Variants in SERPINF1 observed in about 807,000 individuals in gnomAD.
SERPINF1 encodes pigment epithelium-derived factor.
SERPINF1 carries 29 observed loss-of-function variants against 37.3 expected under a neutral mutation model. The ratio of observed to expected loss-of-function variants is 0.78; its 90% CI spans 0.58 to 1.06. SERPINF1 has a LOEUF of 1.06. Among genes scored for constraint, SERPINF1 ranks in the 50% least tolerant of loss-of-function variants. SERPINF1 has a pLI of 0.00. For missense variants in SERPINF1, 553 were observed against 532.2 expected (o/e 1.04, Z -0.38); for synonymous variants, 281 against 227.9 (o/e 1.23, Z -2.10).
intron 1 of SERPINF1, chr17:1,766,690 A>G: frequency 7.7e-6 from 4 of 522,452 alleles, no homozygotes; most frequent in Admixed American, 3.5e-5. Flanking sequence ...AGGCAGGGGG[A>G]GGGGCGGGAG....
At chr17:1,773,158 A>G (rs1907846348) in intron 5 of SERPINF1, among the ~76,000 whole-genome samples, 1 of 152,222 alleles carries the variant, frequency 6.6e-6, no homozygotes, top group African/African-American at 2.4e-5. Context: ...CTATAGAGTG[A>G]GAGACTTGTG....
At chr17:1,768,837 A>T (rs1487763643) in intron 2 of SERPINF1, among the ~76,000 whole-genome samples, 1 of 150,988 alleles carries the variant, frequency 6.6e-6, no homozygotes, top group Non-Finnish European at 1.5e-5. Context: ...ACAGGGTCTC[A>T]CTCTGTCACC....
chr17:1,773,785 C>T (rs868626133), intron 5 of SERPINF1, among the ~76,000 whole-genome samples: 15 of 152,078 alleles, frequency 9.9e-5, no homozygotes, highest in African/African-American at 3.4e-4. Flanking sequence ...GCTTGTTCCA[C>T]GGGTCTTGTG....
At chr17:1,767,607 G>A (rs578013269) in intron 2 of SERPINF1, among the ~76,000 whole-genome samples, 14 of 152,336 alleles carry the variant, frequency 9.2e-5, no homozygotes, top group Admixed American at 2.0e-4. Context: ...GGCAGATACA[G>A]GCACATGGAG....
chr17:1,776,145 T>C (rs776911589), intron 6 of SERPINF1, among the ~76,000 whole-genome samples: 7 of 152,100 alleles, frequency 4.6e-5, no homozygotes, highest in Non-Finnish European at 1.0e-4. Context: ...TCGGTATTCC[T>C]ATCCCCGGTT....
At chr17:1,770,270 C>T (rs1260613182) in intron 3 of SERPINF1, among the ~76,000 whole-genome samples, 1 of 152,158 alleles carries the variant, frequency 6.6e-6, no homozygotes, top group Middle Eastern at 3.2e-3. Context: ...TGACATGGCG[C>T]TTGGCCTCAG....
rs140452295 is a variant in SERPINF1 at position 1,764,669 on chromosome 17, G to C, written c.-8-2234G>C. 3.8e-3 allele frequency among the ~76,000 whole-genome samples: 580 copies of C among 152,284 alleles called. 3 individuals carry two copies. Among genetic ancestry groups the C allele is most frequent in the African/African-American group, 0.013 (548 of 41,564 alleles). On this transcript the variant is annotated intron_variant, in intron 1 of 7. Transcript: ENST00000254722. ...TTATCTGATTTAATTTGAAGGACGA[G>C]AGCCAACAATCACACAACGTCCTCC... is the stretch of plus-strand genomic sequence containing the variant.
At position 1,769,912 on chromosome 17, in the gene SERPINF1, G is replaced by T; in HGVS notation, c.145G>T (p.Val49Phe). 6.2e-7 allele frequency: 1 copy of T among 1,614,194 alleles called. No individual in the cohort carries two copies. Among genetic ancestry groups the T allele is most frequent in the Non-Finnish European group, 8.5e-7 (1 of 1,180,030 alleles). The change falls in exon 3 of 8, where the codon GTC becomes TTC. Residue 49 changes from valine to phenylalanine, a missense_variant. Physicochemically the swap from Val to Phe is conservative, Grantham distance 50 (BLOSUM62 -1). Transcript: ENST00000254722. ...LVEEEDPFFKVPVNKLAAAVS... is the reference protein window; with the variant it reads ...LVEEEDPFFKFPVNKLAAAVS... ...GGAGGAGGAGGATCCTTTCTTCAAA[G>T]TCCCCGTGAACAAGCTGGCAGCGGC... is the stretch of plus-strand genomic sequence containing the variant.
At chr17:1,767,267 C>T (rs1907442853) in intron 2 of SERPINF1, among the ~76,000 whole-genome samples, 1 of 152,184 alleles carries the variant, frequency 6.6e-6, no homozygotes, top group Admixed American at 6.5e-5. Flanking sequence ...CTCAGCTTCC[C>T]AAGCAGCTGG....
At chr17:1,775,244 G>A (rs1328706104) in intron 6 of SERPINF1, 44 bp downstream of exon 6, 1 of 1,591,078 alleles carries the variant, frequency 6.3e-7, no homozygotes, top group Non-Finnish European at 8.6e-7. Flanking sequence ...TGGAGGGAGA[G>A]GATAGAGAAG....
At chr17:1,770,096 C>G (rs1907636187) in intron 3 of SERPINF1, 46 bp downstream of exon 3, 2 of 1,591,272 alleles carry the variant, frequency 1.3e-6, no homozygotes, top group Non-Finnish European at 1.7e-6. Context: ...TGGAGAGGCC[C>G]CCTGTGGCCT....
chr17:1,770,902 T>C (rs764727891), intron 3 of SERPINF1, 127 bp from the exon 4 acceptor site: 1 of 1,208,692 alleles, frequency 8.3e-7, no homozygotes, highest in Non-Finnish European at 1.2e-6. Context: ...CTAGATTGTC[T>C]TGAAGATCAG....
At chr17:1,765,393 C>T (rs11653335) in intron 1 of SERPINF1, among the ~76,000 whole-genome samples, 43,202 of 151,724 alleles carry the variant, frequency 0.28, 7,062 homozygotes, top group Non-Finnish European at 0.38. Flanking sequence ...GCATAATCGG[C>T]TCACTGCAAC....
At chr17:1,775,322 T>G in intron 6 of SERPINF1, 122 bp downstream of exon 6, 1 of 1,012,120 alleles carries the variant, frequency 9.9e-7, no homozygotes, top group South Asian at 1.6e-5. Flanking sequence ...GCCTGCTGTG[T>G]GACTTTGAGC....
chr17:1,773,300 G>C (rs1327312809), intron 5 of SERPINF1, among the ~76,000 whole-genome samples: 3 of 152,158 alleles, frequency 2.0e-5, no homozygotes, highest in South Asian at 4.1e-4. Flanking sequence ...CTGGAGTGCA[G>C]TGGTGCCATC....
rs564862284 is a variant in SERPINF1, at chr17:1,774,612, G to A, written c.644-446G>A. Among the ~76,000 whole-genome samples, 6 of 152,248 alleles carry A rather than the reference G, an allele frequency of 3.9e-5. No homozygotes were observed. The East Asian group carries it at 5.8e-4, about 15-fold the overall frequency. On this transcript the variant is annotated intron_variant, in intron 5 of 7. Coordinates refer to ENST00000254722, the MANE Select transcript of SERPINF1 (RefSeq NM_002615.7). The stretch of plus-strand genomic sequence containing the variant: ...CTCCTGAAGGGCTGGGACTACAGGC[G>A]TGAGTCACCGTGCCCGGCCATTTTT...
At chr17:1,768,618 C>T (rs1907534384) in intron 2 of SERPINF1, among the ~76,000 whole-genome samples, 1 of 151,054 alleles carries the variant, frequency 6.6e-6, no homozygotes, top group Non-Finnish European at 1.5e-5. Flanking sequence ...GGACCACAGG[C>T]ACGTTCCACC....
intron 1 of SERPINF1, among the ~76,000 whole-genome samples, chr17:1,765,982 A>ATG (rs1907345732): frequency 6.6e-6 from 1 of 152,140 alleles, no homozygotes; most frequent in South Asian, 2.1e-4. Context: ...GGAGAAGGGA[A>ATG]TGAGCTGCCT....
chr17:1,769,605 C>G (rs1907591533), intron 2 of SERPINF1: 4 of 550,798 alleles, frequency 7.3e-6, no homozygotes, highest in Non-Finnish European at 1.3e-5. Flanking sequence ...GCCTGGGTGA[C>G]ACAGTAAGAC....
Sources: allele counts gnomAD v4.1 joint callset (sites outside exome capture counted in the v4.1 genomes callset), GRCh38; gene constraint gnomAD v4.1.1; transcripts MANE v1.5; gene names NCBI Gene and HGNC (gene_info 2026-07-23, HGNC 2026-07-21).